The following PDE7A variants were observed in gnomAD, a reference collection of about 807,000 sequenced individuals.
The protein encoded by PDE7A is phosphodiesterase 7A.
In PDE7A, 39 loss-of-function variants were observed where a neutral mutation model predicts 64.3. The observed-to-expected ratio is 0.61, with a 90% CI of 0.47 to 0.79. The LOEUF is 0.79. Among genes scored for constraint, PDE7A ranks in the 30% least tolerant of loss-of-function variants. The pLI is 0.00. For missense variants in PDE7A, 470 were observed against 582.8 expected, an observed-to-expected ratio of 0.81 and a Z score of 1.99; for synonymous variants, 203 against 206.8, an observed-to-expected ratio of 0.98 and a Z score of 0.16.
intron 1 of PDE7A, among the ~76,000 whole-genome samples, chr8:65,796,070 T>C (rs1809834181): frequency 6.7e-6 from 1 of 150,194 alleles, no homozygotes; most frequent in Non-Finnish European, 1.5e-5. Flanking sequence ...CAATAGAAAT[T>C]ACCTAACCTG....
At chr8:65,798,206 A>ATATATATATATATTTTTTTTTTTTT in intron 1 of PDE7A, among the ~76,000 whole-genome samples, 3 of 73,834 alleles carry the variant, frequency 4.1e-5, no homozygotes, top group African/African-American at 1.8e-4. Flanking sequence ...ATATATATAT[A>ATATATATATATATTTTTTTTTTTTT]TTTTTTTTTT....
At chr8:65,765,688 T>G (rs1808746382) in intron 3 of PDE7A, 1 of 152,142 alleles carries the variant, frequency 6.6e-6, no homozygotes, top group South Asian at 2.1e-4. Context: ...CCCTCCAGTC[T>G]GGATGACGTC....
chr8:65,815,300 A>T (rs1157165317), intron 1 of PDE7A, among the ~76,000 whole-genome samples: 3 of 152,192 alleles, frequency 2.0e-5, no homozygotes, highest in Non-Finnish European at 2.9e-5. Context: ...AATACTAATT[A>T]AACCATTTAA....
chr8:65,822,370 C>T (rs1046158743), intron 1 of PDE7A, among the ~76,000 whole-genome samples: 6 of 152,074 alleles, frequency 3.9e-5, no homozygotes, highest in South Asian at 4.2e-4. Context: ...TGAATGCCAC[C>T]GCAGAGAAAG....
intron 7 of PDE7A, among the ~76,000 whole-genome samples, chr8:65,734,397 T>C (rs1177667146): frequency 6.6e-6 from 1 of 152,208 alleles, no homozygotes; most frequent in Non-Finnish European, 1.5e-5. Context: ...AGGCTTTTGG[T>C]CTTGATACGA....
At chr8:65,828,120 G>A (rs931494483) in intron 1 of PDE7A, among the ~76,000 whole-genome samples, 18 of 151,412 alleles carry the variant, frequency 1.2e-4, no homozygotes, top group East Asian at 5.8e-4. Flanking sequence ...TAGCTTTGTC[G>A]ATTTCTGAAA....
At chr8:65,839,523 A>C (rs1425659102) in intron 1 of PDE7A, among the ~76,000 whole-genome samples, 3 of 152,238 alleles carry the variant, frequency 2.0e-5, no homozygotes, top group Admixed American at 6.5e-5. Context: ...GCATCCACTA[A>C]GTTTACATTT....
chr8:65,809,801 C>T (rs1384788655), intron 1 of PDE7A, among the ~76,000 whole-genome samples: 1 of 152,124 alleles, frequency 6.6e-6, no homozygotes, highest in Non-Finnish European at 1.5e-5. Context: ...AATGAGATAC[C>T]ATCTCACACT....
chr8:65,838,347 T>C (rs1032560734), intron 1 of PDE7A: 1 of 152,200 alleles, frequency 6.6e-6, no homozygotes, highest in Non-Finnish European at 1.5e-5. Flanking sequence ...CTATCAACAA[T>C]AGATATCCAA....
At chr8:65,824,785 T>C (rs925448689) in intron 1 of PDE7A, among the ~76,000 whole-genome samples, 2 of 152,258 alleles carry the variant, frequency 1.3e-5, no homozygotes, top group African/African-American at 4.8e-5. Flanking sequence ...GTACACTTAA[T>C]AGACTACAGT....
intron 6 of PDE7A, among the ~76,000 whole-genome samples, chr8:65,737,858 CTTATT>C (rs1405204699): frequency 3.9e-5 from 6 of 152,148 alleles, no homozygotes; most frequent in Admixed American, 6.5e-5. Flanking sequence ...AACATCTTAA[CTTATT>C]TTATAGTTCC....
chr8:65,724,824 C>T lies in PDE7A; in HGVS notation c.1018G>A (p.Gly340Ser). The change falls in exon 10 of 13, where the codon GGT becomes AGT. Residue 340 changes from glycine to serine, a missense_variant. Coordinates refer to ENST00000401827, the MANE Select transcript of PDE7A (RefSeq NM_001242318.3). ...LSLFRSHLDR[G>S]DLCLEDTRHR... ...CTGGTGTCTTCTAGGCATAAATCAC[C>T]TCTATCCAAATGGGACCTAAACAAA... The T allele has an allele frequency of 6.2e-7, 1 of 1,612,340 alleles. No individual in the cohort carries two copies. The highest frequency in any genetic ancestry group is 1.7e-4 in the Middle Eastern group (1 of 6,054).
At chr8:65,839,118 G>C (rs942825417) in intron 1 of PDE7A, among the ~76,000 whole-genome samples, 1 of 151,944 alleles carries the variant, frequency 6.6e-6, no homozygotes, top group African/African-American at 2.4e-5. Flanking sequence ...TATGAGCTGG[G>C]CTCCAATACT....
intron 2 of PDE7A, among the ~76,000 whole-genome samples, chr8:65,780,179 T>C (rs1416903420): frequency 6.6e-6 from 1 of 151,976 alleles, no homozygotes; most frequent in Admixed American, 6.6e-5. Context: ...TTACAGGAGG[T>C]TGAAAATCCT....
chr8:65,826,144 T>C (rs965330845), intron 1 of PDE7A, among the ~76,000 whole-genome samples: 1 of 152,140 alleles, frequency 6.6e-6, no homozygotes, highest in Non-Finnish European at 1.5e-5. Flanking sequence ...GGCCAAGAGA[T>C]TGAAGAGGTA....
At chr8:65,800,130 T>C (rs1382772262) in intron 1 of PDE7A, among the ~76,000 whole-genome samples, 1 of 152,134 alleles carries the variant, frequency 6.6e-6, no homozygotes, top group African/African-American at 2.4e-5. Context: ...TCTGAACATA[T>C]GTCCCTGAAT....
intron 6 of PDE7A, among the ~76,000 whole-genome samples, chr8:65,738,283 T>C (rs887428361): frequency 5.9e-5 from 9 of 152,028 alleles, no homozygotes; most frequent in Non-Finnish European, 1.2e-4. Context: ...CCAAATAAAT[T>C]ACAAATTAAG....
chr8:65,751,550 T>TATC (rs1404478164), intron 3 of PDE7A, among the ~76,000 whole-genome samples: 3 of 152,068 alleles, frequency 2.0e-5, no homozygotes, highest in Admixed American at 6.5e-5. Flanking sequence ...TAGAGTGCAA[T>TATC]GGTGCGATAT....
chr8:65,763,183 A>G (rs1808598062), intron 3 of PDE7A, among the ~76,000 whole-genome samples: 1 of 152,238 alleles, frequency 6.6e-6, no homozygotes, highest in African/African-American at 2.4e-5. Context: ...TTTGTTATAC[A>G]TATAACATTG....
Sources: allele counts gnomAD v4.1 joint callset (sites outside exome capture counted in the v4.1 genomes callset), GRCh38; gene constraint gnomAD v4.1.1; transcripts MANE v1.5; gene names NCBI Gene and HGNC (gene_info 2026-07-23, HGNC 2026-07-21).